LRRC66: variants seen among roughly 807,000 people sequenced by gnomAD.
LRRC66 encodes the protein leucine rich repeat containing 66, also known as leucine-rich repeat-containing protein 66.
In LRRC66, 29 loss-of-function variants were observed where a neutral mutation model predicts 24.6. That is an observed-to-expected ratio of 1.18 (90% CI 0.88 to 1.61). The LOEUF is 1.61. LRRC66 is among the 40% of genes most tolerant of loss of function. LRRC66 has a pLI of 0.00. For missense variants in LRRC66, 1,124 were observed against 1,058.0 expected (o/e 1.06, Z -0.87); for synonymous variants, 411 against 397.6 (o/e 1.03, Z -0.40).
At chr4:52,003,633 T>C (rs533658156) in intron 2 of LRRC66, among the ~76,000 whole-genome samples, 15 of 152,158 alleles carry the variant, frequency 9.9e-5, no homozygotes, top group Non-Finnish European at 2.1e-4. Context: ...AAGTCCAATG[T>C]CCTTGGGAAA....
intron 2 of LRRC66, among the ~76,000 whole-genome samples, chr4:52,015,422 G>A (rs538019515): frequency 9.2e-5 from 14 of 152,198 alleles, no homozygotes; most frequent in South Asian, 2.1e-4. Context: ...CTCACCCCTC[G>A]ATGCCTTGTT....
intron 2 of LRRC66, among the ~76,000 whole-genome samples, chr4:52,005,239 C>T (rs962923345): frequency 1.3e-5 from 2 of 152,180 alleles, no homozygotes; most frequent in African/African-American, 4.8e-5. Flanking sequence ...CTAATTGGCA[C>T]TAGATGACAT....
rs896781307 is a variant in LRRC66, at chr4:52,017,545, A to G, written c.69T>C (p.Asn23=). 61 of 1,610,726 alleles carry G rather than the reference A, an allele frequency of 3.8e-5. No individual in the cohort carries two copies. The highest frequency in any genetic ancestry group is 4.9e-5 in the Non-Finnish European group (58 of 1,178,720). ...IGLYFTGIMT[N]ASRKSNILFN... is the part of the protein sequence containing the mutation. The stretch of plus-strand genomic sequence containing the variant: ...ATAAAATATTGCTTTTTCTTGATGC[A>G]TTTGTCATTATTCCAGTAAAATAAA... The change falls in exon 2 of 5, where the codon AAT becomes AAC. Residue 23 remains asparagine (N), a synonymous_variant. Transcript: ENST00000682860.
chr4:51,996,078 C>A lies in LRRC66; in HGVS notation c.944G>T (p.Ser315Ile). 6.2e-7 allele frequency: 1 copy of A among 1,614,062 alleles called. No individual in the cohort carries two copies. Among genetic ancestry groups the A allele is most frequent in the Non-Finnish European group, 8.5e-7 (1 of 1,180,008 alleles). The change falls in exon 5 of 5, where the codon AGC becomes ATC. Residue 315 changes from serine to isoleucine, a missense_variant. Ser to Ile is a moderately radical substitution (Grantham distance 142, BLOSUM62 -2). Coordinates refer to ENST00000682860, the MANE Select transcript of LRRC66 (RefSeq NM_001024611.3). The stretch of plus-strand genomic sequence containing the variant: ...CCTCTCTGCTTTGCTCCTTATGAGG[C>A]TTTTCATGCGATGCAGATGAATGGG... ...LPPIHLHRMK[S>I]LIRSKAERPQ...
rs765230920 is a variant in LRRC66 at position 51,994,509 on chromosome 4, T to C, written c.2513A>G (p.His838Arg). 6.2e-6 allele frequency: 10 copies of C among 1,614,224 alleles called. No homozygotes were observed. In the Admixed American group the frequency reaches 1.7e-4, roughly 27 times the overall value. ...TALQSKAAEW[H>R]CSLRDLEFSN... is the part of the protein sequence containing the mutation. Reference sequence around the variant, plus strand: ...AAATTCTAAGTCTCTAAGTGAGCAATGCCATTCTGCTGCCTTGGATTGAAG... The same window carrying C: ...AAATTCTAAGTCTCTAAGTGAGCAACGCCATTCTGCTGCCTTGGATTGAAG... The change falls in exon 5 of 5, where the codon CAT becomes CGT. Residue 838 changes from histidine (H) to arginine (R), a missense_variant. Transcript: ENST00000682860.
chr4:52,016,473 A>AT (rs984907733), intron 2 of LRRC66, among the ~76,000 whole-genome samples: 2 of 152,194 alleles, frequency 1.3e-5, no homozygotes, highest in Non-Finnish European at 2.9e-5. Context: ...AACTTGATAT[A>AT]TTTTCCAAAG....
intron 3 of LRRC66, among the ~76,000 whole-genome samples, chr4:51,998,510 C>T (rs1736374953): frequency 6.6e-6 from 1 of 152,142 alleles, no homozygotes; most frequent in Admixed American, 6.5e-5. Context: ...CCTTGACCTC[C>T]CAAAATGCTG....
At chr4:52,010,742 T>C (rs1039471788) in intron 2 of LRRC66, among the ~76,000 whole-genome samples, 2 of 152,188 alleles carry the variant, frequency 1.3e-5, no homozygotes, top group South Asian at 4.1e-4. Context: ...GTAGTTGCTA[T>C]TGTGATTGGT....
chr4:52,002,659 G>A (rs58120538), intron 3 of LRRC66, among the ~76,000 whole-genome samples: 228 of 152,326 alleles, frequency 1.5e-3, no homozygotes, highest in African/African-American at 5.3e-3. Flanking sequence ...TGGGTTGGAC[G>A]TTTAGAACTG....
rs767744197 is a variant in LRRC66, at chr4:51,994,363, C to T, written c.*16G>A. On this transcript the variant is annotated 3_prime_UTR_variant, in exon 5 of 5. Transcript: ENST00000682860. The stretch of plus-strand genomic sequence containing the variant: ...ATATTGTTTAGAGCTGTGAATATTT[C>T]CTTAATGAAAGATTCTTATTTTAAA... 1.2e-5 allele frequency: 19 copies of T among 1,589,340 alleles called. 1 individual carries two copies. The South Asian group carries it at 1.5e-4, about 13-fold the overall frequency.
At chr4:52,006,880 G>C (rs1560560181) in intron 2 of LRRC66, among the ~76,000 whole-genome samples, 1 of 151,560 alleles carries the variant, frequency 6.6e-6, no homozygotes, top group Non-Finnish European at 1.5e-5. Flanking sequence ...TTTTACAAAT[G>C]AAAAAAAACT....
Position 52,017,385 on chromosome 4 carries a change from G to C in LRRC66, c.229C>G (p.Gln77Glu). ...VSFNFFRVLL[Q>E]SHTKKEEWKI... is the part of the protein sequence containing the mutation. The stretch of plus-strand genomic sequence containing the variant: ...CACTCTTCTTTTTTCGTGTGAGACT[G>C]TAAGAGAACTCTAAAGAAATTGAAA... Residue 77 changes from glutamine to glutamate, a missense_variant, in exon 2 of 5, where the codon CAG becomes GAG. Transcript: ENST00000682860. 1.2e-6 allele frequency: 2 copies of C among 1,614,126 alleles called. No homozygotes were observed. The highest frequency in any genetic ancestry group is 1.7e-6 in the Non-Finnish European group (2 of 1,180,004).
chr4:51,994,681 G>A lies in LRRC66; in HGVS notation c.2341C>T (p.Pro781Ser), dbSNP rs751441041. The A allele has an allele frequency of 1.2e-6, 2 of 1,614,060 alleles. No individual in the cohort carries two copies. The highest frequency in any genetic ancestry group is 1.3e-5 in the African/African-American group (1 of 74,944). Reference protein sequence around the residue: ...DPFEKPLISAPDSGMYKTHLE... With the variant: ...DPFEKPLISASDSGMYKTHLE... The stretch of plus-strand genomic sequence containing the variant: ...TGAGTCTTGTACATGCCAGAGTCTG[G>A]AGCAGAAATGAGAGGTTTTTCAAAG... Residue 781 changes from proline to serine, a missense_variant, in exon 5 of 5, where the codon CCA becomes TCA. Coordinates refer to ENST00000682860, the MANE Select transcript of LRRC66 (RefSeq NM_001024611.3).
intron 2 of LRRC66, among the ~76,000 whole-genome samples, chr4:52,015,814 TTG>T (rs948635644): frequency 6.6e-6 from 1 of 152,182 alleles, no homozygotes; most frequent in African/African-American, 2.4e-5. Flanking sequence ...TTTGAAATAT[TTG>T]TGAGATTGCT....
In LRRC66 at chr4:52,017,709, C is replaced by T. The variant is rs897832358; in HGVS notation, c.-5-91G>A. On this transcript the variant is annotated intron_variant, in intron 1 of 4. Coordinates refer to ENST00000682860, the MANE Select transcript of LRRC66 (RefSeq NM_001024611.3). ...AAATTTAATTTTCAATTTAAGATTT[C>T]GGAAAGTTATCTTGTCTTGGTTGCC... is the stretch of plus-strand genomic sequence containing the variant. 6.5e-5 allele frequency: 91 copies of T among 1,389,516 alleles called. No individual in the cohort carries two copies. In the African/African-American group the frequency reaches 8.1e-4, roughly 12 times the overall value. The allele number at this position is 1,389,516 out of a possible 1,614,324, so 86.1% of individuals were successfully genotyped here.
rs1468779714 is a variant in LRRC66, at chr4:52,017,362, C to T, written c.252G>A (p.Glu84=). 1.2e-6 allele frequency: 2 copies of T among 1,613,978 alleles called. No homozygotes were observed. The highest frequency in any genetic ancestry group is 1.7e-6 in the Non-Finnish European group (2 of 1,179,994). The change falls in exon 2 of 5, where the codon GAG becomes GAA. Residue 84 remains glutamate (E), a synonymous_variant. Transcript: ENST00000682860. The stretch of plus-strand genomic sequence containing the variant: ...TGAGGTCCAGATGTTTTATTTTCCA[C>T]TCTTCTTTTTTCGTGTGAGACTGTA... ...VLLQSHTKKE[E]WKIKHLDLSN...
At chr4:52,012,780 G>A (rs547631891) in intron 2 of LRRC66, among the ~76,000 whole-genome samples, 105 of 152,208 alleles carry the variant, frequency 6.9e-4, no homozygotes, top group African/African-American at 2.3e-3. Flanking sequence ...GGACACACTA[G>A]GCAGGAATTT....
chr4:52,010,851 A>G (rs979664429), intron 2 of LRRC66, among the ~76,000 whole-genome samples: 5 of 152,188 alleles, frequency 3.3e-5, no homozygotes, highest in African/African-American at 1.2e-4. Context: ...TCGAATTGTA[A>G]TTCTGTTTTT....
At chr4:52,002,099 G>GT (rs1381966886) in intron 3 of LRRC66, among the ~76,000 whole-genome samples, 4 of 152,122 alleles carry the variant, frequency 2.6e-5, no homozygotes, top group East Asian at 1.9e-4. Context: ...GGGATGTGTG[G>GT]TAAGTGCAAA....
Sources: allele counts gnomAD v4.1 joint callset (sites outside exome capture counted in the v4.1 genomes callset), GRCh38; gene constraint gnomAD v4.1.1; transcripts MANE v1.5; gene names NCBI Gene and HGNC (gene_info 2026-07-23, HGNC 2026-07-21).